USP42: variants seen among roughly 807,000 people sequenced by gnomAD.
USP42 encodes ubiquitin carboxyl-terminal hydrolase 42.
A neutral mutation model predicts 113.0 loss-of-function variants in USP42; 23 were observed. That is an observed-to-expected ratio of 0.20 (90% CI 0.15 to 0.29). The LOEUF (loss-of-function observed/expected upper bound fraction) is 0.29, where lower values mean the gene tolerates loss of function less well. Ranked by LOEUF, USP42 falls within the 10% of genes least tolerant of loss-of-function variation. The probability of loss-of-function intolerance (pLI) is 1.00; values close to 1 mark genes in which losing one functional copy is unlikely to be tolerated. For missense variants in USP42, 2,174 were observed against 1,779.8 expected (o/e 1.22, Z -3.99); for synonymous variants, 933 against 699.0 (o/e 1.33, Z -5.28).
At chr7:6,133,640 C>T (rs191112059) in intron 3 of USP42, among the ~76,000 whole-genome samples, 3 of 151,958 alleles carry the variant, frequency 2.0e-5, no homozygotes, top group Non-Finnish European at 2.9e-5. Flanking sequence ...CCACATCAGC[C>T]TCTGGAGTAG....
At chr7:6,093,999 C>G in the USP42 span, among the ~76,000 whole-genome samples, 25 of 150,152 alleles carry the variant, frequency 1.7e-4, no homozygotes, top group Non-Finnish European at 1.5e-5. Context: ...AAGTGATTCT[C>G]CTTCCTCAGC....
At chr7:6,095,615 G>A in the USP42 span, among the ~76,000 whole-genome samples, 1 of 151,108 alleles carries the variant, frequency 6.6e-6, no homozygotes, top group African/African-American at 2.5e-5. Context: ...GTTGCAATGA[G>A]CTGAGATTGC....
intron 3 of USP42, among the ~76,000 whole-genome samples, chr7:6,131,583 C>T (rs192454277): frequency 6.6e-6 from 1 of 152,288 alleles, no homozygotes; most frequent in East Asian, 1.9e-4. Context: ...CGAGGCTGCC[C>T]CTTCCTCATC....
At chr7:6,090,182 C>A in the USP42 span, among the ~76,000 whole-genome samples, 1 of 148,382 alleles carries the variant, frequency 6.7e-6, no homozygotes, top group Non-Finnish European at 1.5e-5. Context: ...TGCCTGTAAT[C>A]CCAGCTACTC....
intron 3 of USP42, among the ~76,000 whole-genome samples, chr7:6,123,685 A>T (rs1464375473): frequency 6.6e-6 from 1 of 151,824 alleles, no homozygotes; most frequent in Admixed American, 6.6e-5. Context: ...AAATAAAAAT[A>T]AAATATTAAA....
chr7:6,113,189 C>T (rs1340236307), intron 2 of USP42, among the ~76,000 whole-genome samples: 2 of 152,032 alleles, frequency 1.3e-5, no homozygotes, highest in African/African-American at 4.8e-5. Flanking sequence ...GCCACTGCAC[C>T]CGGACAACAG....
chr7:6,126,509 T>C (rs561136435), intron 3 of USP42, among the ~76,000 whole-genome samples: 10 of 152,270 alleles, frequency 6.6e-5, no homozygotes, highest in African/African-American at 2.4e-4. Context: ...ATGGTCTCTA[T>C]CTCCTGACCT....
intron 14 of USP42, among the ~76,000 whole-genome samples, chr7:6,151,291 A>G (rs1782034007): frequency 6.6e-6 from 1 of 152,228 alleles, no homozygotes; most frequent in African/African-American, 2.4e-5. Flanking sequence ...AATTTGTTAA[A>G]AAAATTGATT....
chr7:6,122,856 T>C lies in USP42; in HGVS notation c.442+7333T>C, dbSNP rs185282746. Reference sequence around the variant, plus strand: ...TGGCTTCAAGACAGTTGTCTTGAACTGCTGGCGCCCAGGCTAGAGTGCAGT... The same window carrying C: ...TGGCTTCAAGACAGTTGTCTTGAACCGCTGGCGCCCAGGCTAGAGTGCAGT... On this transcript the variant is annotated intron_variant, in intron 3 of 17. Coordinates refer to ENST00000306177, the MANE Select transcript of USP42 (RefSeq NM_032172.3). 1.3e-3 allele frequency among the ~76,000 whole-genome samples: 195 copies of C among 151,926 alleles called. 1 individual carries two copies. The highest frequency in any genetic ancestry group is 0.012 in the Admixed American group (179 of 15,260).
intron 15 of USP42, among the ~76,000 whole-genome samples, chr7:6,156,100 A>G (rs945801520): frequency 1.3e-5 from 2 of 152,244 alleles, no homozygotes; most frequent in Admixed American, 6.5e-5. Context: ...TGACGTATCC[A>G]TGATGAGATG....
the USP42 span, among the ~76,000 whole-genome samples, chr7:6,083,701 C>T: frequency 6.6e-6 from 1 of 150,870 alleles, no homozygotes; most frequent in Non-Finnish European, 1.5e-5. Flanking sequence ...CATGCCCCCA[C>T]AGGAAATACA....
Position 6,158,345 on chromosome 7 carries a change from C to G in USP42, c.3944-1105C>G, listed in dbSNP as rs935068429. 2.0e-5 allele frequency among the ~76,000 whole-genome samples: 3 copies of G among 152,194 alleles called. No individual in the cohort carries two copies. The highest frequency in any genetic ancestry group is 4.4e-5 in the Non-Finnish European group (3 of 68,032). ...AAAGGGTTTGTCACCCCTGCCTGGA[C>G]GCCCATTGTTTGTGTTCACGTGTGA... is the stretch of plus-strand genomic sequence containing the variant. On this transcript the variant is annotated intron_variant, in intron 16 of 17. Transcript: ENST00000306177. This position sits in a 1 kb window ranked among gnomAD's most constrained non-coding sequence, Gnocchi z 4.2.
chr7:6,115,567 C>T, intron 3 of USP42, 44 bp downstream of exon 3: 3 of 1,591,408 alleles, frequency 1.9e-6, no homozygotes, highest in Non-Finnish European at 2.6e-6. Flanking sequence ...GTGCGCTAAC[C>T]TACTTTCATT....
chr7:6,110,981 A>G (rs1006220918), intron 1 of USP42, 144 bp from the exon 2 acceptor site: 1 of 746,318 alleles, frequency 1.3e-6, no homozygotes, highest in Non-Finnish European at 2.0e-6. Context: ...GAAATGTTAG[A>G]AAGTACTATT....
At chr7:6,097,889 C>T in the USP42 span, among the ~76,000 whole-genome samples, 4 of 135,186 alleles carry the variant, frequency 3.0e-5, no homozygotes, top group African/African-American at 1.2e-4. Flanking sequence ...CGCGCCCGGC[C>T]TTCTTTTTCT....
intron 14 of USP42, among the ~76,000 whole-genome samples, chr7:6,150,933 A>G (rs543484947): frequency 7.2e-4 from 110 of 152,302 alleles, no homozygotes; most frequent in African/African-American, 2.3e-3. Context: ...TGAGAAATGC[A>G]TCGTTTGGGG....
the USP42 span, among the ~76,000 whole-genome samples, chr7:6,091,928 A>G: frequency 6.7e-6 from 1 of 149,416 alleles, no homozygotes; most frequent in Non-Finnish European, 1.5e-5. Context: ...TCCTTTTTCT[A>G]TTCGATATCT....
intron 12 of USP42, among the ~76,000 whole-genome samples, chr7:6,148,157 G>A (rs780868536): frequency 8.5e-4 from 129 of 152,138 alleles, no homozygotes; most frequent in Non-Finnish European, 8.1e-4. Context: ...GGGTACCAGG[G>A]TGAAACCCCG....
chr7:6,114,295 A>G lies in USP42; in HGVS notation c.242-1028A>G, dbSNP rs890776512. Among the ~76,000 whole-genome samples the G allele has an allele frequency of 3.9e-5, 6 of 152,162 alleles. No individual in the cohort carries two copies. The South Asian group carries it at 6.2e-4, about 16-fold the overall frequency. On this transcript the variant is annotated intron_variant, in intron 2 of 17. Coordinates refer to ENST00000306177, the MANE Select transcript of USP42 (RefSeq NM_032172.3). ...ATTAGCATCCATGGCAGATGTTACAAGGAATCAAATGTATCTCATTTTTTC... is the reference window on the plus strand; with the variant it reads ...ATTAGCATCCATGGCAGATGTTACAGGGAATCAAATGTATCTCATTTTTTC...
Sources: allele counts gnomAD v4.1 joint callset (sites outside exome capture counted in the v4.1 genomes callset), GRCh38; gene constraint gnomAD v4.1.1; non-coding constraint Gnocchi (gnomAD v3.1); transcripts MANE v1.5; gene names NCBI Gene and HGNC (gene_info 2026-07-23, HGNC 2026-07-21).